Variants in TMEM91 observed in about 807,000 individuals in gnomAD.
The protein encoded by TMEM91 is transmembrane protein 91.
In TMEM91, 6 loss-of-function variants were observed where a neutral mutation model predicts 13.3. That is an observed-to-expected ratio of 0.45 (90% CI 0.25 to 0.89). TMEM91 has a LOEUF of 0.89. Ranked by LOEUF, TMEM91 falls within the 40% of genes least tolerant of loss-of-function variation. The pLI is 0.19. For missense variants in TMEM91, 193 were observed against 228.7 expected (o/e 0.84, Z 1.01); for synonymous variants, 87 against 101.7 (o/e 0.86, Z 0.87).
chr19:41,369,234 A>G (rs1312920834), intron 1 of TMEM91, among the ~76,000 whole-genome samples: 2 of 151,918 alleles, frequency 1.3e-5, no homozygotes, highest in African/African-American at 2.4e-5. Flanking sequence ...CTGGAGTGCA[A>G]TGGTGTGATC....
intron 1 of TMEM91, among the ~76,000 whole-genome samples, chr19:41,369,781 C>G (rs576242753): frequency 1.3e-5 from 2 of 152,202 alleles, no homozygotes; most frequent in East Asian, 3.9e-4. Flanking sequence ...GCACTCCAGC[C>G]TGGGTGACAG....
chr19:41,378,540 G>A (rs1421262961), intron 2 of TMEM91, 21 bp downstream of exon 2: 11 of 1,613,572 alleles, frequency 6.8e-6, no homozygotes, highest in East Asian at 2.2e-5. Context: ...GCAGGCCTTA[G>A]TGGAAGGCAC....
chr19:41,378,925 G>A (rs909976463), intron 2 of TMEM91, among the ~76,000 whole-genome samples: 1 of 151,710 alleles, frequency 6.6e-6, no homozygotes, highest in Non-Finnish European at 1.5e-5. Flanking sequence ...TTGACCTCCC[G>A]GGCTTAAGCA....
chr19:41,368,667 C>A (rs1382662017), intron 1 of TMEM91, among the ~76,000 whole-genome samples: 1 of 151,982 alleles, frequency 6.6e-6, no homozygotes, highest in Non-Finnish European at 1.5e-5. Flanking sequence ...GACTCAGCCT[C>A]CCAAAGTGCT....
intron 1 of TMEM91, among the ~76,000 whole-genome samples, chr19:41,367,861 C>T (rs1006994309): frequency 6.6e-6 from 1 of 152,120 alleles, no homozygotes; most frequent in Non-Finnish European, 1.5e-5. Flanking sequence ...TCTCAAACTC[C>T]TGGGCTCAAG....
At chr19:41,375,282 T>TC, upstream of TMEM91, among the ~76,000 whole-genome samples, 1 of 83,754 alleles carries the variant, frequency 1.2e-5, no homozygotes, top group Non-Finnish European at 2.8e-5. Flanking sequence ...TCTTTTTTTT[T>TC]TTTTTTTTTT....
chr19:41,380,054 C>T (rs1275224339), intron 2 of TMEM91, among the ~76,000 whole-genome samples: 4 of 151,862 alleles, frequency 2.6e-5, no homozygotes. Context: ...TGTCACCATG[C>T]CCAGCTAATT....
chr19:41,375,623 C>G (rs1409992514), upstream of TMEM91, among the ~76,000 whole-genome samples: 2 of 151,042 alleles, frequency 1.3e-5, no homozygotes, highest in Non-Finnish European at 2.9e-5. Context: ...AAAAACAAGC[C>G]AACACCCCTT....
intron 1 of TMEM91, among the ~76,000 whole-genome samples, chr19:41,365,652 G>A (rs892632303): frequency 1.3e-5 from 2 of 149,072 alleles, no homozygotes; most frequent in Non-Finnish European, 3.0e-5. Flanking sequence ...TGGTCCACCC[G>A]CCTCAGCCTC....
intron 1 of TMEM91, among the ~76,000 whole-genome samples, chr19:41,366,052 C>CTTTTTTTT (rs11375696): frequency 9.4e-6 from 1 of 105,840 alleles, no homozygotes; most frequent in Non-Finnish European, 1.8e-5. Context: ...TATTTATTTA[C>CTTTTTTTT]TTTTTTTTTT....
At chr19:41,367,830 T>C (rs1280917585) in intron 1 of TMEM91, among the ~76,000 whole-genome samples, 1 of 152,108 alleles carries the variant, frequency 6.6e-6, no homozygotes, top group Non-Finnish European at 1.5e-5. Flanking sequence ...AGACATGGTC[T>C]CACTCTGTTG....
chr19:41,378,542 G>A (rs754633734), intron 2 of TMEM91, 23 bp downstream of exon 2: 2 of 1,613,020 alleles, frequency 1.2e-6, no homozygotes, highest in Admixed American at 3.3e-5. Flanking sequence ...AGGCCTTAGT[G>A]GAAGGCACGG....
At chr19:41,382,670 A>G in intron 2 of TMEM91, 102 bp from the exon 3 acceptor site, 3 of 1,442,420 alleles carry the variant, frequency 2.1e-6, no homozygotes, top group Middle Eastern at 2.2e-4. Context: ...TCTCTGGGGA[A>G]GCCCTAGGGG....
At chr19:41,378,615 G>C in intron 2 of TMEM91, 96 bp downstream of exon 2, 1 of 1,296,096 alleles carries the variant, frequency 7.7e-7, no homozygotes, top group Non-Finnish European at 1.1e-6. Flanking sequence ...GTGCCGATCT[G>C]CCTTAGGCCT....
At position 41,383,654 on chromosome 19, in the gene TMEM91, C is replaced by G. The variant is rs201153238; in HGVS notation, c.361-61C>G. The G allele has an allele frequency of 1.4e-3, 2,292 of 1,613,778 alleles. 3 individuals are homozygous for G. The highest frequency in any genetic ancestry group is 1.8e-3 in the Non-Finnish European group (2,146 of 1,179,878). ...ATGGGTATGTTGGGTGGGGGAGGGACCAGGGGAAGGGTCTGGGACTGAGGG... is the reference window on the plus strand; with the variant it reads ...ATGGGTATGTTGGGTGGGGGAGGGAGCAGGGGAAGGGTCTGGGACTGAGGG... On this transcript the variant is annotated intron_variant, in intron 3 of 3. Transcript: ENST00000392002.
At chr19:41,379,530 G>C (rs1252134747) in intron 2 of TMEM91, among the ~76,000 whole-genome samples, 1 of 145,886 alleles carries the variant, frequency 6.9e-6, no homozygotes, top group Admixed American at 7.1e-5. Flanking sequence ...CAGAAAGAAA[G>C]AAAAAGAGAG....
At chr19:41,365,598 T>G (rs1325294560) in intron 1 of TMEM91, among the ~76,000 whole-genome samples, 1 of 151,866 alleles carries the variant, frequency 6.6e-6, no homozygotes, top group Non-Finnish European at 1.5e-5. Context: ...AGAGACGGGT[T>G]TTCACCATAT....
At position 41,364,598 on chromosome 19, in the gene TMEM91, C is replaced by T. The variant is rs77854660; in HGVS notation, c.-30+503C>T. Among the ~76,000 whole-genome samples, 871 of 152,034 alleles carry T rather than the reference C, an allele frequency of 5.7e-3. 5 individuals are homozygous for T. Among genetic ancestry groups the T allele is most frequent in the African/African-American group, 0.02 (818 of 41,450 alleles). ...GAGTGGAGAAGTTGGGGAGTGGGTTCTGCTTCCGTTTTAGAGTTCCCCTAG... is the reference window on the plus strand; with the variant it reads ...GAGTGGAGAAGTTGGGGAGTGGGTTTTGCTTCCGTTTTAGAGTTCCCCTAG... On this transcript the variant is annotated intron_variant, in intron 1 of 3. Coordinates refer to the TMEM91 transcript ENST00000413014.
intron 2 of TMEM91, among the ~76,000 whole-genome samples, chr19:41,382,491 C>A (rs985992005): frequency 6.6e-6 from 1 of 152,128 alleles, no homozygotes; most frequent in African/African-American, 2.4e-5. Context: ...GGTGTGATGG[C>A]GTGTGCCTGT....
Sources: allele counts gnomAD v4.1 joint callset (sites outside exome capture counted in the v4.1 genomes callset), GRCh38; gene constraint gnomAD v4.1.1; transcripts MANE v1.5; gene names NCBI Gene and HGNC (gene_info 2026-07-23, HGNC 2026-07-21).